IFT52: variants seen among roughly 807,000 people sequenced by gnomAD.
IFT52 encodes the protein intraflagellar transport protein 52 homolog.
A neutral mutation model predicts 54.4 loss-of-function variants in IFT52; 44 were observed. The ratio of observed to expected loss-of-function variants is 0.81; its 90% CI spans 0.63 to 1.04. The LOEUF is 1.04. Among genes scored for constraint, IFT52 ranks in the 50% least tolerant of loss-of-function variants. The probability of loss-of-function intolerance (pLI) is 0.00; values close to 1 mark genes in which losing one functional copy is unlikely to be tolerated. For synonymous variants in IFT52, 181 were observed against 185.3 expected, an observed-to-expected ratio of 0.98 and a Z score of 0.19; for missense variants, 452 against 523.6, an observed-to-expected ratio of 0.86 and a Z score of 1.33.
intron 6 of IFT52, among the ~76,000 whole-genome samples, chr20:43,606,309 T>G (rs1982878551): frequency 6.8e-6 from 1 of 147,436 alleles, no homozygotes; most frequent in African/African-American, 2.5e-5. Context: ...AGTCTCACTC[T>G]GTCACCCAGG....
intron 12 of IFT52, among the ~76,000 whole-genome samples, 160 bp downstream of exon 12, chr20:43,637,413 C>T (rs1479382396): frequency 6.6e-6 from 1 of 152,162 alleles, no homozygotes; most frequent in African/African-American, 2.4e-5. Flanking sequence ...CAGGCATGCG[C>T]CACCACGCCC....
chr20:43,630,679 A>G (rs1480052052), intron 10 of IFT52, among the ~76,000 whole-genome samples: 1 of 152,160 alleles, frequency 6.6e-6, no homozygotes, highest in Non-Finnish European at 1.5e-5. Context: ...TCATGGTCTG[A>G]TGGGCTGGGG....
chr20:43,612,128 G>A (rs555773096), intron 6 of IFT52, among the ~76,000 whole-genome samples: 3 of 152,262 alleles, frequency 2.0e-5, no homozygotes, highest in African/African-American at 7.2e-5. Context: ...TCCATTGATT[G>A]CATTTTGGGA....
intron 10 of IFT52, among the ~76,000 whole-genome samples, chr20:43,633,418 CAG>C (rs1289748765): frequency 6.6e-6 from 1 of 151,372 alleles, no homozygotes; most frequent in Non-Finnish European, 1.5e-5. Flanking sequence ...ATGATTAAGA[CAG>C]AATTTGGGGC....
intron 3 of IFT52, among the ~76,000 whole-genome samples, chr20:43,602,904 A>G (rs1982572968): frequency 6.6e-6 from 1 of 152,170 alleles, no homozygotes; most frequent in Non-Finnish European, 1.5e-5. Context: ...CATGTGATGA[A>G]TCAGTGGGGT....
At chr20:43,618,752 G>A (rs948337099) in intron 7 of IFT52, among the ~76,000 whole-genome samples, 188 bp from the exon 8 acceptor site, 4 of 152,052 alleles carry the variant, frequency 2.6e-5, no homozygotes, top group African/African-American at 9.7e-5. Flanking sequence ...CCAAAGTGCT[G>A]GGATTACAGG....
At chr20:43,612,848 C>G (rs2145619093) in intron 6 of IFT52, among the ~76,000 whole-genome samples, 1 of 152,306 alleles carries the variant, frequency 6.6e-6, no homozygotes, top group Non-Finnish European at 1.5e-5. Flanking sequence ...AGTTTCTAAC[C>G]TTACGCCCTG....
At chr20:43,594,232 C>CG (rs1601015686) in intron 1 of IFT52, among the ~76,000 whole-genome samples, 1 of 151,980 alleles carries the variant, frequency 6.6e-6, no homozygotes, top group Non-Finnish European at 1.5e-5. Flanking sequence ...CGCTTGAACC[C>CG]GGGAGATGGA....
At position 43,646,961 on chromosome 20, in the gene IFT52, C is replaced by G; in HGVS notation, c.1292C>G (p.Thr431Arg). ...GAACATGACATCGATACAAGTGAAA[C>G]AGCATTCCAGAACAATTTCTGAAGA... ...NQEHDIDTSE[T>R]AFQNNF Residue 431 changes from threonine (T) to arginine (R), a missense_variant, in exon 14 of 14, where the codon ACA (threonine) becomes AGA (arginine). Coordinates refer to ENST00000373030, the MANE Select transcript of IFT52 (RefSeq NM_016004.5). 6.2e-7 allele frequency: 1 copy of G among 1,613,782 alleles called. No individual in the cohort carries two copies. The highest frequency in any genetic ancestry group is 1.1e-5 in the South Asian group (1 of 91,076).
chr20:43,646,906 T>C (rs766523431), intron 13 of IFT52, 30 bp from the exon 14 acceptor site: 1 of 1,589,780 alleles, frequency 6.3e-7, no homozygotes, highest in South Asian at 1.1e-5. Flanking sequence ...ACTGAAATAC[T>C]AAAATTCTGT....
At chr20:43,607,086 A>G (rs1454633033) in intron 6 of IFT52, among the ~76,000 whole-genome samples, 1 of 152,176 alleles carries the variant, frequency 6.6e-6, no homozygotes, top group African/African-American at 2.4e-5. Flanking sequence ...CCCGTTCTCA[A>G]TGAGCTGTTG....
intron 12 of IFT52, among the ~76,000 whole-genome samples, chr20:43,638,193 A>AT (rs10710648): frequency 6.1e-4 from 89 of 146,754 alleles, no homozygotes; most frequent in Non-Finnish European, 9.8e-4. Flanking sequence ...AGGAGATTAT[A>AT]TTTTTTTTTT....
intron 10 of IFT52, among the ~76,000 whole-genome samples, chr20:43,633,831 A>G (rs527379786): frequency 2.0e-5 from 3 of 152,274 alleles, no homozygotes; most frequent in East Asian, 1.9e-4. Context: ...CAGGAAATCA[A>G]TTTCCATCTT....
At position 43,638,437 on chromosome 20, in the gene IFT52, C is replaced by T. The variant is rs187290434; in HGVS notation, c.1120+1184C>T. On this transcript the variant is annotated intron_variant, in intron 12 of 13. Transcript: ENST00000373030. ...AACTCCAGACCTCAGGTGATCCACC[C>T]GCCTCAGCCTCCCAAAGTGCTGGGA... is the stretch of plus-strand genomic sequence containing the variant. Among the ~76,000 whole-genome samples the T allele has an allele frequency of 5.0e-3, 760 of 152,046 alleles. 9 individuals carry two copies. Among genetic ancestry groups the T allele is most frequent in the African/African-American group, 0.016 (677 of 41,494 alleles).
chr20:43,595,897 T>TA (rs961663295), intron 2 of IFT52, among the ~76,000 whole-genome samples: 12 of 149,920 alleles, frequency 8.0e-5, no homozygotes, highest in Non-Finnish European at 1.3e-4. Flanking sequence ...AAACAAAAAT[T>TA]AAAAAAAAAA....
At chr20:43,631,877 C>T (rs772921705) in intron 10 of IFT52, among the ~76,000 whole-genome samples, 1 of 151,898 alleles carries the variant, frequency 6.6e-6, no homozygotes, top group Non-Finnish European at 1.5e-5. Flanking sequence ...TGACAAGCCA[C>T]ACTCCCTGCC....
intron 12 of IFT52, among the ~76,000 whole-genome samples, chr20:43,640,827 C>A (rs752862093): frequency 2.0e-5 from 3 of 151,990 alleles, no homozygotes; most frequent in African/African-American, 7.2e-5. Context: ...CTGGAGCTCA[C>A]GAGTTCGAGA....
intron 10 of IFT52, among the ~76,000 whole-genome samples, 172 bp from the exon 11 acceptor site, chr20:43,635,754 T>C (rs959674940): frequency 6.6e-6 from 1 of 152,236 alleles, no homozygotes; most frequent in Admixed American, 6.5e-5. Flanking sequence ...TATAATAGAA[T>C]GATTTATATT....
intron 6 of IFT52, among the ~76,000 whole-genome samples, chr20:43,605,896 A>G (rs1007447544): frequency 3.9e-5 from 6 of 152,078 alleles, no homozygotes; most frequent in Non-Finnish European, 7.4e-5. Context: ...TAGAGCCTGC[A>G]CTCTTAACTT....
Sources: allele counts gnomAD v4.1 joint callset (sites outside exome capture counted in the v4.1 genomes callset), GRCh38; gene constraint gnomAD v4.1.1; transcripts MANE v1.5; gene names NCBI Gene and HGNC (gene_info 2026-07-23, HGNC 2026-07-21).